The following LPO variants were observed in gnomAD, a reference collection of about 807,000 sequenced individuals.
LPO encodes lactoperoxidase, also known as salivary peroxidase.
LPO carries 70 observed loss-of-function variants against 68.4 expected under a neutral mutation model. The ratio of observed to expected loss-of-function variants is 1.02; its 90% confidence interval spans 0.84 to 1.25. The LOEUF (loss-of-function observed/expected upper bound fraction) is 1.25. LPO is among the 50% of genes most tolerant of loss of function. LPO has a pLI of 0.00. For synonymous variants in LPO, 360 were observed against 357.6 expected, an observed-to-expected ratio of 1.01 and a Z score of -0.08; for missense variants, 873 against 908.4, an observed-to-expected ratio of 0.96 and a Z score of 0.50.
intron 9 of LPO, among the ~76,000 whole-genome samples, chr17:58,257,865 T>A (rs2143928823): frequency 6.6e-6 from 1 of 152,380 alleles, no homozygotes; most frequent in African/African-American, 2.4e-5. Flanking sequence ...GTAGTTTTGA[T>A]CTGCATTTCT....
At chr17:58,243,943 A>G (rs1440202615) in intron 2 of LPO, 51 bp from the exon 3 acceptor site, 2 of 1,206,722 alleles carry the variant, frequency 1.7e-6, no homozygotes, top group Admixed American at 3.4e-5. Flanking sequence ...AAGACATCGC[A>G]AAGGAGTGGT....
intron 7 of LPO, chr17:58,251,843 G>GTTGT: frequency 1.7e-6 from 1 of 577,388 alleles, no homozygotes; most frequent in Non-Finnish European, 3.3e-6. Flanking sequence ...CATGGCAGCT[G>GTTGT]TTGTTAGTAG....
chr17:58,247,382 G>A (rs1969870252), intron 3 of LPO, 96 bp from the exon 4 acceptor site: 1 of 1,120,902 alleles, frequency 8.9e-7, no homozygotes, highest in African/African-American at 1.6e-5. Context: ...TGGGTTATGA[G>A]GCCATGTTGT....
rs778082878 is a variant in LPO, at chr17:58,250,626, G to C, written c.780+5G>C. ...GACAACTGCTTCCCCATCATGGTACGGCCCTGCAGCTAGGCATCTCTGACT... is the reference window on the plus strand; with the variant it reads ...GACAACTGCTTCCCCATCATGGTACCGCCCTGCAGCTAGGCATCTCTGACT... On this transcript the variant is annotated splice_donor_5th_base_variant and intron_variant, in intron 7 of 12. Transcript: ENST00000262290. 2.5e-6 allele frequency: 4 copies of C among 1,613,492 alleles called. No individual in the cohort carries two copies. The highest frequency in any genetic ancestry group is 1.7e-5 in the Admixed American group (1 of 60,002).
chr17:58,251,965 CCCT>C (rs926295197), intron 7 of LPO: 2 of 750,746 alleles, frequency 2.7e-6, no homozygotes, highest in African/African-American at 3.4e-5. Context: ...TGAATGATTA[CCCT>C]CAGTTCTTTC....
chr17:58,266,387 G>T (rs945275871), intron 11 of LPO, 61 bp downstream of exon 11: 24 of 1,539,576 alleles, frequency 1.6e-5, no homozygotes, highest in Non-Finnish European at 2.1e-5. Context: ...AGGGCTCCTG[G>T]AGACTCTCTT....
Position 58,243,990 on chromosome 17 carries a change from C to G in LPO, c.77-4C>G. The G allele has an allele frequency of 1.2e-6, 2 of 1,612,464 alleles. No homozygotes were observed. The highest frequency in any genetic ancestry group is 1.7e-6 in the Non-Finnish European group (2 of 1,178,692). ...TACTTCCTGCTCCCCACTCCAACCC[C>G]AAGCGCAGACTACCAGAACCTCTGC... On this transcript the variant is annotated splice_region_variant and splice_polypyrimidine_tract_variant and intron_variant, in intron 2 of 12. Coordinates refer to ENST00000262290, the MANE Select transcript of LPO (RefSeq NM_006151.3).
Position 58,249,159 on chromosome 17 carries a change from C to T in LPO, c.425C>T (p.Thr142Met), listed in dbSNP as rs1306782747. ...CCGTGCAGCCCTTACCGCACCATTA[C>T]GGGAGACTGCAATAACAGGTGGCGG... ...CDPCSPYRTI[T>M]GDCNNRRKPA... Residue 142 changes from threonine to methionine, a missense_variant, in exon 5 of 13, where the codon ACG (threonine) becomes ATG (methionine). Coordinates refer to ENST00000262290, the MANE Select transcript of LPO (RefSeq NM_006151.3). 10 of 1,613,950 alleles carry T rather than the reference C, an allele frequency of 6.2e-6. No individual in the cohort carries two copies. Among genetic ancestry groups the T allele is most frequent in the South Asian group, 1.1e-5 (1 of 91,088 alleles).
chr17:58,254,152 T>TAGATAGATAG (rs1970020743), intron 8 of LPO, among the ~76,000 whole-genome samples: 123 of 133,390 alleles, frequency 9.2e-4, no homozygotes, highest in Non-Finnish European at 1.0e-3. Context: ...TATATAGATA[T>TAGATAGATAG]ATAGATAGAT....
chr17:58,267,885 C>A lies in LPO; in HGVS notation c.2030C>A (p.Thr677Asn). The A allele has an allele frequency of 3.7e-6, 6 of 1,614,188 alleles. No homozygotes were observed. Among genetic ancestry groups the A allele is most frequent in the Non-Finnish European group, 5.1e-6 (6 of 1,180,018 alleles). The part of the protein sequence containing the change: ...SRLVCDNTRI[T>N]KVPRDPFWAN... Reference sequence around the variant, plus strand: ...CTTGTCTGTGACAACACCCGCATCACCAAGGTCCCACGGGACCCATTCTGG... The same window carrying A: ...CTTGTCTGTGACAACACCCGCATCAACAAGGTCCCACGGGACCCATTCTGG... Residue 677 changes from threonine (T) to asparagine (N), a missense_variant, in exon 13 of 13, where the codon ACC becomes AAC. By Grantham distance (65) the Thr-to-Asn change is moderately conservative. Transcript: ENST00000262290.
chr17:58,263,339 G>C (rs1453938615), intron 9 of LPO, among the ~76,000 whole-genome samples: 1 of 152,154 alleles, frequency 6.6e-6, no homozygotes, highest in Admixed American at 6.5e-5. Context: ...TTGATTGTCT[G>C]TTTACTCAAA....
Position 58,243,995 on chromosome 17 carries a change from G to A in LPO, c.78G>A (p.Ala26=), listed in dbSNP as rs530954271. Residue 26 remains alanine (A), a splice_region_variant and synonymous_variant, in exon 3 of 13, where the codon GCG becomes GCA. Coordinates refer to ENST00000262290, the MANE Select transcript of LPO (RefSeq NM_006151.3). ...CCTGCTCCCCACTCCAACCCCAAGCGCAGACTACCAGAACCTCTGCCATCT... is the reference window on the plus strand; with the variant it reads ...CCTGCTCCCCACTCCAACCCCAAGCACAGACTACCAGAACCTCTGCCATCT... The part of the protein sequence containing the change: ...LLQAAASTTR[A]QTTRTSAISD... 67 of 1,613,088 alleles carry A rather than the reference G, an allele frequency of 4.2e-5. No individual in the cohort carries two copies. Among genetic ancestry groups the A allele is most frequent in the Admixed American group, 1.3e-4 (8 of 59,940 alleles).
At chr17:58,250,668 T>C in intron 7 of LPO, 47 bp downstream of exon 7, 2 of 1,578,512 alleles carry the variant, frequency 1.3e-6, no homozygotes, top group Non-Finnish European at 1.7e-6. Context: ...TTGCCCACCC[T>C]GATGTAGCAG....
At chr17:58,262,139 A>G (rs8178385) in intron 9 of LPO, among the ~76,000 whole-genome samples, 6,755 of 152,244 alleles carry the variant, frequency 0.044, 503 homozygotes, top group African/African-American at 0.15. Flanking sequence ...TCCTTCTTCT[A>G]TTACCATTCT....
chr17:58,248,751 A>G (rs8178327), intron 4 of LPO, among the ~76,000 whole-genome samples: 2 of 152,182 alleles, frequency 1.3e-5, no homozygotes, highest in Non-Finnish European at 2.9e-5. Context: ...AGATCTGTCA[A>G]TTCAAATGAA....
In LPO at chr17:58,253,022, CAAAAAAAAAAAAA is replaced by C. The variant is rs765890765; in HGVS notation, c.1105+530_1105+542del. 3.1e-3 allele frequency among the ~76,000 whole-genome samples: 96 copies of C among 31,092 alleles called. 1 individual carries two copies. Among genetic ancestry groups the C allele is most frequent in the Non-Finnish European group, 4.9e-3 (86 of 17,652 alleles). 20.4% of individuals were successfully genotyped at this position (31,092 alleles called of 152,430 possible). ...TGGGCAACAAAGCAAGACTCCATCT[CAAAAAAAAAAAAA>C]AAAAAAAAAAAAAGAAAGAAAGAAA... is the stretch of plus-strand genomic sequence containing the variant. On this transcript the variant is annotated intron_variant, in intron 8 of 12. Transcript: ENST00000262290.
chr17:58,260,788 CTT>C (rs1412132431), intron 9 of LPO, among the ~76,000 whole-genome samples: 1 of 152,184 alleles, frequency 6.6e-6, no homozygotes, highest in Non-Finnish European at 1.5e-5. Context: ...AAATTTCCCT[CTT>C]AGCACTGAGT....
At chr17:58,258,286 T>G (rs1304365182) in intron 9 of LPO, among the ~76,000 whole-genome samples, 1 of 152,224 alleles carries the variant, frequency 6.6e-6, no homozygotes, top group Non-Finnish European at 1.5e-5. Context: ...GTCTTAGATT[T>G]GTCTTTAATC....
chr17:58,246,598 A>G (rs1969856611), intron 3 of LPO, among the ~76,000 whole-genome samples: 1 of 152,136 alleles, frequency 6.6e-6, no homozygotes, highest in Non-Finnish European at 1.5e-5. Context: ...AAAGGAAGGA[A>G]CATCTGGAAC....
Sources: gnomAD v4.1 joint callset for allele counts (sites outside exome capture counted in the v4.1 genomes callset) on GRCh38, gnomAD v4.1.1 for gene constraint, MANE v1.5 for transcripts, NCBI Gene and HGNC (gene_info 2026-07-23, HGNC 2026-07-21) for gene names.